The following ARHGAP32 variants were observed in gnomAD, a reference collection of about 807,000 sequenced individuals.
ARHGAP32 encodes Rho GTPase activating protein 32.
A neutral mutation model predicts 186.5 loss-of-function variants in ARHGAP32; 51 were observed. The ratio of observed to expected loss-of-function variants is 0.27; its 90% CI spans 0.22 to 0.35. ARHGAP32 has a LOEUF of 0.35. ARHGAP32 is among the 10% of genes least tolerant of loss of function. The pLI is 1.00. For synonymous variants in ARHGAP32, 950 were observed against 964.3 expected (o/e 0.99, Z 0.27); for missense variants, 2,186 against 2,623.5 (o/e 0.83, Z 3.64).
intron 2 of ARHGAP32, among the ~76,000 whole-genome samples, chr11:129,143,853 C>T (rs1024908124): frequency 1.3e-5 from 2 of 151,954 alleles, no homozygotes; most frequent in East Asian, 3.9e-4. Flanking sequence ...TCTTACTGTG[C>T]CTAATTTATA....
chr11:129,140,301 C>T (rs1943024171), intron 2 of ARHGAP32, among the ~76,000 whole-genome samples: 1 of 152,144 alleles, frequency 6.6e-6, no homozygotes, highest in South Asian at 2.1e-4. Flanking sequence ...AGATGAGAAC[C>T]CAGCCCAGCC....
intron 1 of ARHGAP32, among the ~76,000 whole-genome samples, chr11:129,251,105 CAAGA>C (rs1371202315): frequency 6.6e-6 from 1 of 152,148 alleles, no homozygotes; most frequent in Admixed American, 6.5e-5. Context: ...AAACAATAGA[CAAGA>C]AAGTAAACGG....
At chr11:128,991,067 TAA>T (rs11362997) in intron 12 of ARHGAP32, among the ~76,000 whole-genome samples, 1 of 151,872 alleles carries the variant, frequency 6.6e-6, no homozygotes, top group Non-Finnish European at 1.5e-5. Context: ...CTACCATTTA[TAA>T]AAAAAAGTAT....
chr11:129,073,150 T>TA (rs1167179972), intron 6 of ARHGAP32, among the ~76,000 whole-genome samples: 1 of 152,158 alleles, frequency 6.6e-6, no homozygotes, highest in Non-Finnish European at 1.5e-5. Flanking sequence ...ATCACATTAC[T>TA]AACGGGCTAT....
chr11:129,124,715 A>G (rs1403174266), intron 3 of ARHGAP32, 88 bp downstream of exon 3: 1 of 1,029,802 alleles, frequency 9.7e-7, no homozygotes, highest in South Asian at 1.7e-5. Context: ...ATTTTTGTAA[A>G]AAGTCTAAAT....
chr11:129,040,104 A>T (rs1939529845), intron 11 of ARHGAP32, among the ~76,000 whole-genome samples: 1 of 151,542 alleles, frequency 6.6e-6, no homozygotes, highest in Non-Finnish European at 1.5e-5. Flanking sequence ...GGAAAATACC[A>T]AAAGAGTAAA....
In ARHGAP32 at chr11:129,115,384, A is replaced by T. The variant is rs149654369; in HGVS notation, c.444+8062T>A. Among the ~76,000 whole-genome samples, 549 of 152,268 alleles carry T rather than the reference A, an allele frequency of 3.6e-3. 3 individuals carry two copies. Among genetic ancestry groups the T allele is most frequent in the South Asian group, 0.034 (163 of 4,834 alleles). ...AATTACCCTTCAGATTTACCAGGAA[A>T]AAGCTAGAGACCTACAAGCATCTTA... On this transcript the variant is annotated intron_variant, in intron 5 of 22. Coordinates refer to ENST00000682385, the MANE Select transcript of ARHGAP32 (RefSeq NM_001378024.1).
intron 13 of ARHGAP32, among the ~76,000 whole-genome samples, chr11:128,987,212 T>A (rs1352678361): frequency 1.3e-5 from 2 of 152,178 alleles, no homozygotes; most frequent in Non-Finnish European, 2.9e-5. Context: ...ATAAAAGTTG[T>A]ACGCAGAATA....
intron 1 of ARHGAP32, among the ~76,000 whole-genome samples, chr11:129,225,921 T>C (rs1944775220): frequency 6.6e-6 from 1 of 152,090 alleles, no homozygotes; most frequent in South Asian, 2.1e-4. Flanking sequence ...TAAAAAGCTA[T>C]AAGAACCAAA....
chr11:129,000,650 T>C (rs1234779147), intron 11 of ARHGAP32, among the ~76,000 whole-genome samples: 1 of 152,204 alleles, frequency 6.6e-6, no homozygotes, highest in African/African-American at 2.4e-5. Context: ...AGTTATTTTT[T>C]AATGTACGTT....
rs1439412604 is a variant in ARHGAP32, at chr11:128,977,968, T to C, written c.2122+802A>G. Among the ~76,000 whole-genome samples, 12 of 151,646 alleles carry C rather than the reference T, an allele frequency of 7.9e-5. 1 individual carries two copies. Among genetic ancestry groups the C allele is most frequent in the African/African-American group, 2.4e-5 (1 of 41,340 alleles). On this transcript the variant is annotated intron_variant, in intron 19 of 22. Coordinates refer to ENST00000682385, the MANE Select transcript of ARHGAP32 (RefSeq NM_001378024.1). Reference sequence around the variant, plus strand: ...CTGGCTTCAAGCGATCTTCCTGACTTGGCCTCCCAAAGTGTTGGGATTACA... The same window carrying C: ...CTGGCTTCAAGCGATCTTCCTGACTCGGCCTCCCAAAGTGTTGGGATTACA...
chr11:129,255,351 G>A (rs1202044855), intron 1 of ARHGAP32, among the ~76,000 whole-genome samples: 3 of 152,006 alleles, frequency 2.0e-5, no homozygotes, highest in African/African-American at 7.2e-5. Flanking sequence ...AAGGTACTGT[G>A]ACCCCCAACT....
intron 1 of ARHGAP32, among the ~76,000 whole-genome samples, chr11:129,164,787 T>C (rs568496162): frequency 1.3e-5 from 2 of 152,318 alleles, no homozygotes; most frequent in African/African-American, 4.8e-5. Context: ...TGCTAAGCAT[T>C]AGTATCATTT....
intron 1 of ARHGAP32, among the ~76,000 whole-genome samples, chr11:129,170,186 T>C (rs925537374): frequency 6.7e-6 from 1 of 149,616 alleles, no homozygotes; most frequent in Non-Finnish European, 1.5e-5. Context: ...TATATATATA[T>C]AATTTCTTTC....
chr11:129,086,263 C>A (rs1464369878), intron 6 of ARHGAP32, among the ~76,000 whole-genome samples: 1 of 152,078 alleles, frequency 6.6e-6, no homozygotes, highest in African/African-American at 2.4e-5. Context: ...AGACCTTACA[C>A]CTTTTACAAG....
At chr11:129,129,344 C>T (rs530071606) in intron 2 of ARHGAP32, among the ~76,000 whole-genome samples, 10 of 151,082 alleles carry the variant, frequency 6.6e-5, no homozygotes, top group East Asian at 3.9e-4. Context: ...GGAGCCCCTC[C>T]GCCCGGCAGC....
chr11:129,070,496 A>G (rs1940834496), intron 6 of ARHGAP32, among the ~76,000 whole-genome samples: 1 of 152,018 alleles, frequency 6.6e-6, no homozygotes, highest in African/African-American at 2.4e-5. Context: ...TTAAACTTCC[A>G]AACTGACAGA....
chr11:129,060,327 G>T (rs1405166151), intron 10 of ARHGAP32, among the ~76,000 whole-genome samples: 1 of 145,374 alleles, frequency 6.9e-6, no homozygotes, highest in African/African-American at 2.5e-5. Flanking sequence ...ACTTCCCTAA[G>T]GTGTTACACA....
chr11:129,051,547 T>C (rs1240205016), intron 10 of ARHGAP32, among the ~76,000 whole-genome samples: 1 of 152,260 alleles, frequency 6.6e-6, no homozygotes, highest in African/African-American at 2.4e-5. Context: ...AATTAAATTA[T>C]TTTTATGAAT....
Sources: allele counts gnomAD v4.1 joint callset (sites outside exome capture counted in the v4.1 genomes callset), GRCh38; gene constraint gnomAD v4.1.1; transcripts MANE v1.5; gene names NCBI Gene and HGNC (gene_info 2026-07-23, HGNC 2026-07-21).